The following DUS2 variants were observed in gnomAD, a reference collection of about 807,000 sequenced individuals.
The protein encoded by DUS2 is dihydrouridine synthase 2, also known as tRNA-dihydrouridine(20) synthase [NAD(P)+]-like.
In DUS2, 52 loss-of-function variants were observed where a neutral mutation model predicts 71.3. That is an observed-to-expected ratio of 0.73 (90% CI 0.58 to 0.92). The LOEUF is 0.92. DUS2 is among the 40% of genes least tolerant of loss of function. The pLI is 0.00. For synonymous variants in DUS2, 204 were observed against 227.8 expected (o/e 0.90, Z 0.94); for missense variants, 558 against 622.6 (o/e 0.90, Z 1.10).
chr16:68,074,006 G>C (rs779470050), intron 12 of DUS2, 28 bp from the exon 13 acceptor site: 1 of 1,613,192 alleles, frequency 6.2e-7, no homozygotes, highest in Non-Finnish European at 8.5e-7. Context: ...GCCTGCCTGG[G>C]CATCAGGCAA....
chr16:68,078,823 G>A lies in DUS2; in HGVS notation c.1319G>A (p.Arg440Gln), dbSNP rs746743242. Residue 440 changes from arginine to glutamine, a missense_variant, in exon 17 of 17, where the codon CGG (arginine) becomes CAG (glutamine). By Grantham distance (43) the Arg-to-Gln change is conservative. Coordinates refer to ENST00000565263, the MANE Select transcript of DUS2 (RefSeq NM_017803.5). Reference sequence around the variant, plus strand: ...CGGAGCCAGGGCCTCCCTGAGGGTCGGCTGGGTGAGGAGAGCCCTTCCTTG... The same window carrying A: ...CGGAGCCAGGGCCTCCCTGAGGGTCAGCTGGGTGAGGAGAGCCCTTCCTTG... ...CLRSQGLPEG[R>Q]LGEESPSLHK... 16 of 1,613,340 alleles carry A rather than the reference G, an allele frequency of 9.9e-6. No homozygotes were observed. The South Asian group carries it at 1.3e-4, about 13-fold the overall frequency.
intron 2 of DUS2, among the ~76,000 whole-genome samples, chr16:68,034,423 G>T (rs1354934857): frequency 6.6e-6 from 1 of 152,172 alleles, no homozygotes; most frequent in East Asian, 1.9e-4. Context: ...TTGCTATGTT[G>T]GTCAGGCTGG....
At chr16:68,033,927 C>T (rs2033478739) in intron 2 of DUS2, among the ~76,000 whole-genome samples, 1 of 152,010 alleles carries the variant, frequency 6.6e-6, no homozygotes, top group African/African-American at 2.4e-5. Context: ...CCACCGTGCC[C>T]AGCCCAATTT....
intron 3 of DUS2, among the ~76,000 whole-genome samples, chr16:68,045,765 G>A (rs1016663182): frequency 6.7e-6 from 1 of 149,184 alleles, no homozygotes; most frequent in African/African-American, 2.5e-5. Context: ...TTGTTGCCCA[G>A]GCCCTGGAGT....
chr16:68,038,235 G>C, intron 3 of DUS2, 86 bp downstream of exon 3: 1 of 1,550,456 alleles, frequency 6.4e-7, no homozygotes, highest in Non-Finnish European at 8.7e-7. Context: ...GGAGTTAGTG[G>C]GGACAGAATG....
intron 3 of DUS2, among the ~76,000 whole-genome samples, chr16:68,043,841 T>A (rs917796409): frequency 1.1e-4 from 17 of 152,078 alleles, no homozygotes; most frequent in Admixed American, 5.9e-4. Context: ...ATTTAGGTAT[T>A]TTTGGTAGAG....
intron 10 of DUS2, 82 bp from the exon 11 acceptor site, chr16:68,070,052 A>G (rs1389282695): frequency 3.2e-6 from 4 of 1,269,560 alleles, no homozygotes; most frequent in South Asian, 1.2e-5. Context: ...GGAGGACAGT[A>G]AGGTTTGGCT....
chr16:68,073,637 C>T (rs1377848509), intron 12 of DUS2, among the ~76,000 whole-genome samples: 3 of 151,992 alleles, frequency 2.0e-5, no homozygotes, highest in Admixed American at 6.6e-5. Context: ...TTAGTAGAGA[C>T]GGGGCTTCAC....
intron 2 of DUS2, among the ~76,000 whole-genome samples, 176 bp downstream of exon 2, chr16:68,025,670 T>C (rs1051130803): frequency 2.0e-5 from 3 of 152,176 alleles, no homozygotes; most frequent in South Asian, 2.1e-4. Context: ...TAATTTCTTC[T>C]TGTCACATCA....
Position 68,069,845 on chromosome 16 carries a change from C to T in DUS2, c.555-289C>T, listed in dbSNP as rs1305220880. On this transcript the variant is annotated intron_variant, in intron 10 of 16. Coordinates refer to ENST00000565263, the MANE Select transcript of DUS2 (RefSeq NM_017803.5). ...AGGAAGCTAGGGAAAAGCAACATGA[C>T]CTTGGGAGCCAGGCCACCCACCATG... is the stretch of plus-strand genomic sequence containing the variant. Among the ~76,000 whole-genome samples, 4 of 152,158 alleles carry T rather than the reference C, an allele frequency of 2.6e-5. No individual in the cohort carries two copies. The East Asian group carries it at 5.8e-4, about 22-fold the overall frequency.
chr16:68,036,410 C>T (rs1468490406), intron 2 of DUS2, among the ~76,000 whole-genome samples: 1 of 152,134 alleles, frequency 6.6e-6, no homozygotes, highest in Non-Finnish European at 1.5e-5. Context: ...ATCCACCTGC[C>T]TCTGCCTCCC....
At chr16:68,030,915 T>C (rs1344281069) in intron 2 of DUS2, among the ~76,000 whole-genome samples, 1 of 151,944 alleles carries the variant, frequency 6.6e-6, no homozygotes, top group Non-Finnish European at 1.5e-5. Flanking sequence ...AAAATATATA[T>C]ATATTTTTGG....
chr16:68,055,683 G>A (rs1234484504), intron 6 of DUS2, among the ~76,000 whole-genome samples: 1 of 151,882 alleles, frequency 6.6e-6, no homozygotes, highest in African/African-American at 2.4e-5. Flanking sequence ...GCAGCATGTG[G>A]CACATACTGA....
intron 2 of DUS2, among the ~76,000 whole-genome samples, chr16:68,034,843 A>G (rs906690347): frequency 1.3e-5 from 2 of 152,150 alleles, no homozygotes; most frequent in African/African-American, 4.8e-5. Context: ...TAAAAATACA[A>G]AAATTAGCTG....
At chr16:68,071,612 AG>A (rs747410536) in intron 12 of DUS2, among the ~76,000 whole-genome samples, 5 of 151,818 alleles carry the variant, frequency 3.3e-5, no homozygotes, top group Non-Finnish European at 7.4e-5. Flanking sequence ...GAATGCTTTA[AG>A]CATAACCCTC....
intron 3 of DUS2, among the ~76,000 whole-genome samples, chr16:68,039,795 C>A (rs1191095338): frequency 6.6e-6 from 1 of 151,820 alleles, no homozygotes; most frequent in Non-Finnish European, 1.5e-5. Flanking sequence ...AATTAGACCC[C>A]TGGAGGACAG....
chr16:68,026,791 G>T (rs1192872267), intron 2 of DUS2, among the ~76,000 whole-genome samples: 3 of 149,692 alleles, frequency 2.0e-5, no homozygotes, highest in Non-Finnish European at 4.4e-5. Flanking sequence ...TGGAAGAATT[G>T]CTTGAACCCG....
intron 13 of DUS2, 53 bp from the exon 14 acceptor site, chr16:68,075,302 C>CGA: frequency 6.7e-7 from 1 of 1,496,590 alleles, no homozygotes; most frequent in Non-Finnish European, 8.9e-7. Flanking sequence ...CTGCAGTACC[C>CGA]TGGATGCTGG....
intron 2 of DUS2, among the ~76,000 whole-genome samples, chr16:68,032,580 T>TG (rs1190596965): frequency 2.0e-5 from 3 of 152,194 alleles, no homozygotes. Context: ...GACCTTAGCA[T>TG]GGGCATGCAT....
Sources: gnomAD v4.1 joint callset for allele counts (sites outside exome capture counted in the v4.1 genomes callset) on GRCh38, gnomAD v4.1.1 for gene constraint, MANE v1.5 for transcripts, NCBI Gene and HGNC (gene_info 2026-07-23, HGNC 2026-07-21) for gene names.